The following CSNK1G1 variants were observed in gnomAD, a reference collection of about 807,000 sequenced individuals.
CSNK1G1 encodes the protein casein kinase 1 gamma 1.
A neutral mutation model predicts 59.6 loss-of-function variants in CSNK1G1; 22 were observed. The observed-to-expected ratio is 0.37, with a 90% confidence interval of 0.26 to 0.53. The LOEUF (loss-of-function observed/expected upper bound fraction) is 0.53, where lower values mean the gene tolerates loss of function less well. Among genes scored for constraint, CSNK1G1 ranks in the 20% least tolerant of loss-of-function variants. The probability of loss-of-function intolerance (pLI) is 0.89; values close to 1 mark genes in which losing one functional copy is unlikely to be tolerated. For synonymous variants in CSNK1G1, 179 were observed against 177.1 expected (o/e 1.01, Z -0.08); for missense variants, 384 against 519.5 (o/e 0.74, Z 2.54).
chr15:64,202,551 T>TTTTA (rs2082122255), intron 10 of CSNK1G1, among the ~76,000 whole-genome samples: 1 of 149,638 alleles, frequency 6.7e-6, no homozygotes, highest in Non-Finnish European at 1.5e-5. Flanking sequence ...CCACACACTT[T>TTTTA]TTTTTTTTTT....
chr15:64,339,559 C>T (rs918086882), intron 1 of CSNK1G1, among the ~76,000 whole-genome samples: 24 of 152,082 alleles, frequency 1.6e-4, no homozygotes, highest in Admixed American at 6.6e-5. Context: ...GTGATCCACC[C>T]GCCTCGGCCT....
intron 1 of CSNK1G1, among the ~76,000 whole-genome samples, chr15:64,342,029 A>G (rs894495375): frequency 9.9e-5 from 15 of 152,250 alleles, no homozygotes; most frequent in African/African-American, 3.1e-4. Flanking sequence ...CCAACTGGCT[A>G]AATGACTTCC....
chr15:64,304,530 A>T (rs778557164), intron 1 of CSNK1G1, among the ~76,000 whole-genome samples: 21 of 152,162 alleles, frequency 1.4e-4, no homozygotes, highest in Non-Finnish European at 2.9e-4. Flanking sequence ...CAACTGCTCA[A>T]TTATAAACTG....
chr15:64,313,818 G>C (rs1191786006), intron 1 of CSNK1G1, among the ~76,000 whole-genome samples: 2 of 140,828 alleles, frequency 1.4e-5, no homozygotes, highest in African/African-American at 5.2e-5. Flanking sequence ...CAAAAACCAA[G>C]AACTTTTTTT....
chr15:64,329,480 A>C (rs1441198358), intron 1 of CSNK1G1, among the ~76,000 whole-genome samples: 1 of 139,330 alleles, frequency 7.2e-6, no homozygotes, highest in Non-Finnish European at 1.5e-5. Context: ...AACCAACGAG[A>C]ACAAAGACAC....
At chr15:64,182,824 G>C (rs904904022) in intron 10 of CSNK1G1, among the ~76,000 whole-genome samples, 1 of 152,158 alleles carries the variant, frequency 6.6e-6, no homozygotes, top group Non-Finnish European at 1.5e-5. Context: ...TTTCTCTGTA[G>C]AGTTGAAATT....
At chr15:64,218,397 CT>C (rs879565601) in intron 4 of CSNK1G1, among the ~76,000 whole-genome samples, 334 of 144,202 alleles carry the variant, frequency 2.3e-3, no homozygotes, top group Middle Eastern at 3.6e-3. Flanking sequence ...TCCTAAACAA[CT>C]TTTTTTTTTT....
intron 4 of CSNK1G1, among the ~76,000 whole-genome samples, chr15:64,250,144 G>C (rs1891994925): frequency 6.6e-6 from 1 of 152,052 alleles, no homozygotes; most frequent in South Asian, 2.1e-4. Context: ...GTAGTCCTGG[G>C]GCATGTGGGA....
Position 64,204,455 on chromosome 15 carries a change from C to T in CSNK1G1, c.985G>A (p.Val329Ile), listed in dbSNP as rs55699712. ...AGGATACTTACAATAGGTCTCCCAA[C>T]CCAATCATAGGCATAGTCAAAGGTG... ...GYTFDYAYDWVGRPIPTPVGS... is the reference protein window; with the variant it reads ...GYTFDYAYDWIGRPIPTPVGS... The change falls in exon 9 of 12, where the codon GTT becomes ATT. Residue 329 changes from valine to isoleucine, a missense_variant. Coordinates refer to ENST00000303052, the MANE Select transcript of CSNK1G1 (RefSeq NM_022048.5). The T allele has an allele frequency of 8.2e-3, 13,002 of 1,585,338 alleles. 73 individuals are homozygous for T. Among genetic ancestry groups the T allele is most frequent in the Non-Finnish European group, 9.9e-3 (11,583 of 1,170,106 alleles).
chr15:64,319,697 G>A (rs759187655), intron 1 of CSNK1G1, among the ~76,000 whole-genome samples: 3 of 151,632 alleles, frequency 2.0e-5, no homozygotes, highest in Non-Finnish European at 4.4e-5. Context: ...GGCGCATGCC[G>A]CCATGCCCGG....
intron 2 of CSNK1G1, among the ~76,000 whole-genome samples, chr15:64,297,057 C>A (rs1895065107): frequency 6.8e-6 from 1 of 147,238 alleles, no homozygotes; most frequent in South Asian, 2.2e-4. Context: ...TCTTCCTATT[C>A]ATCAGCTTTT....
intron 2 of CSNK1G1, among the ~76,000 whole-genome samples, chr15:64,263,514 C>G (rs943933082): frequency 6.6e-6 from 1 of 152,152 alleles, no homozygotes; most frequent in Non-Finnish European, 1.5e-5. Flanking sequence ...CCTTATTTTT[C>G]CTGCATTTAG....
chr15:64,185,878 AAG>A (rs1229158879), intron 10 of CSNK1G1, among the ~76,000 whole-genome samples: 7 of 151,624 alleles, frequency 4.6e-5, no homozygotes, highest in Admixed American at 2.0e-4. Context: ...AAAAAAAAAA[AAG>A]AGAGAAAAAG....
At chr15:64,190,457 C>G (rs2081955457) in intron 10 of CSNK1G1, among the ~76,000 whole-genome samples, 2 of 152,108 alleles carry the variant, frequency 1.3e-5, no homozygotes, top group Non-Finnish European at 2.9e-5. Context: ...TCTTGTTGCC[C>G]AGGCTAAAGT....
At chr15:64,305,530 A>G (rs971278897) in intron 1 of CSNK1G1, among the ~76,000 whole-genome samples, 1 of 151,868 alleles carries the variant, frequency 6.6e-6, no homozygotes, top group Non-Finnish European at 1.5e-5. Context: ...CAGCCTGGGC[A>G]ACAAAACGAG....
chr15:64,326,127 G>C (rs1314425513), intron 1 of CSNK1G1, among the ~76,000 whole-genome samples: 1 of 152,168 alleles, frequency 6.6e-6, no homozygotes, highest in East Asian at 1.9e-4. Flanking sequence ...CAGGTTTCAA[G>C]TGATTCTTGT....
At chr15:64,332,546 G>A (rs1213443042) in intron 1 of CSNK1G1, among the ~76,000 whole-genome samples, 1 of 94,956 alleles carries the variant, frequency 1.1e-5, no homozygotes, top group Non-Finnish European at 2.0e-5. Context: ...AGGGGGGAGG[G>A]ATAGCATTGG....
chr15:64,226,362 A>G (rs2082461181), intron 4 of CSNK1G1, among the ~76,000 whole-genome samples: 1 of 152,084 alleles, frequency 6.6e-6, no homozygotes, highest in African/African-American at 2.4e-5. Flanking sequence ...GATCAAGACC[A>G]TCTTGGTCAA....
intron 2 of CSNK1G1, among the ~76,000 whole-genome samples, chr15:64,272,939 A>G (rs1284579277): frequency 6.6e-6 from 1 of 151,406 alleles, no homozygotes; most frequent in Non-Finnish European, 1.5e-5. Context: ...CCTGTGCTCA[A>G]GAGATCCACC....
Sources: gnomAD v4.1 joint callset for allele counts (sites outside exome capture counted in the v4.1 genomes callset) on GRCh38, gnomAD v4.1.1 for gene constraint, MANE v1.5 for transcripts, NCBI Gene and HGNC (gene_info 2026-07-23, HGNC 2026-07-21) for gene names.